The following NEK6 variants were observed in gnomAD, a reference collection of about 807,000 sequenced individuals.
The protein encoded by NEK6 is NIMA related kinase 6.
Under a neutral mutation model 43.5 loss-of-function variants are expected in NEK6, and 27 were observed. The observed-to-expected ratio is 0.62, with a 90% CI of 0.46 to 0.86. The LOEUF is 0.86. Ranked by LOEUF, NEK6 falls within the 40% of genes least tolerant of loss-of-function variation. The pLI, the probability that NEK6 is intolerant of heterozygous loss-of-function variation, is 0.00. For missense variants in NEK6, 318 were observed against 414.4 expected (o/e 0.77, Z 2.02); for synonymous variants, 167 against 164.1 (o/e 1.02, Z -0.14).
chr9:124,327,509 C>T, intron 7 of NEK6, 64 bp downstream of exon 7: 1 of 1,231,314 alleles, frequency 8.1e-7, no homozygotes, highest in East Asian at 2.3e-5. Context: ...CAGGGAGACG[C>T]AAACATTCTC....
At chr9:124,280,667 G>A (rs1164870658) in intron 1 of NEK6, among the ~76,000 whole-genome samples, 2 of 152,252 alleles carry the variant, frequency 1.3e-5, no homozygotes, top group Non-Finnish European at 2.9e-5. Context: ...TGGAGCACCA[G>A]GCATCTGGCA....
At chr9:124,272,233 C>T (rs1303685540) in intron 1 of NEK6, among the ~76,000 whole-genome samples, 1 of 152,252 alleles carries the variant, frequency 6.6e-6, no homozygotes, top group Non-Finnish European at 1.5e-5. Flanking sequence ...GGCAGGCTCT[C>T]AGTCCAGAGC....
chr9:124,348,557 T>A (rs1046100210), intron 9 of NEK6, among the ~76,000 whole-genome samples: 1 of 152,212 alleles, frequency 6.6e-6, no homozygotes, highest in Non-Finnish European at 1.5e-5. Flanking sequence ...CTAACCTCCC[T>A]GAGTCTCAGT....
rs765837947 is a variant in NEK6 at position 124,326,660 on chromosome 9, G to A, written c.514+222G>A. ...ATGAGCCCCAGGGGGCAGGGGCCCC[G>A]CTTGGCACACCACTTCCAGTTCCCC... On this transcript the variant is annotated intron_variant, in intron 6 of 9. Coordinates refer to ENST00000320246, the MANE Select transcript of NEK6 (RefSeq NM_014397.6). This position sits in a 1 kb window ranked among gnomAD's most constrained non-coding sequence, Gnocchi z 4.5. Among the ~76,000 whole-genome samples, 10 of 152,190 alleles carry A rather than the reference G, an allele frequency of 6.6e-5. No homozygotes were observed. Among genetic ancestry groups the A allele is most frequent in the Non-Finnish European group, 8.8e-5 (6 of 68,018 alleles).
intron 4 of NEK6, among the ~76,000 whole-genome samples, chr9:124,319,770 G>C (rs1833979400): frequency 6.6e-6 from 1 of 152,148 alleles, no homozygotes; most frequent in Non-Finnish European, 1.5e-5. Flanking sequence ...CTTTATTTCT[G>C]AGTTCTATAT....
intron 2 of NEK6, among the ~76,000 whole-genome samples, chr9:124,309,281 C>T (rs924932494): frequency 2.0e-5 from 3 of 152,240 alleles, no homozygotes; most frequent in Non-Finnish European, 4.4e-5. Context: ...AAATCTGGGT[C>T]ATCCATATGC....
rs774694008 is a variant in NEK6 at position 124,312,522 on chromosome 9, C to T, written c.104C>T (p.Thr35Met). 81 of 1,613,778 alleles carry T rather than the reference C, an allele frequency of 5.0e-5. No homozygotes were observed. Among genetic ancestry groups the T allele is most frequent in the Middle Eastern group, 4.9e-4 (3 of 6,084 alleles). Reference protein sequence around the residue: ...HPPDPQRHPNTLSFRCSLADF... With the variant: ...HPPDPQRHPNMLSFRCSLADF... Reference sequence around the variant, plus strand: ...CCCCCGTTCCAGAGGCATCCCAACACGCTGTCTTTTCGCTGCTCGCTGGCG... The same window carrying T: ...CCCCCGTTCCAGAGGCATCCCAACATGCTGTCTTTTCGCTGCTCGCTGGCG... The change falls in exon 3 of 10, where the codon ACG becomes ATG. Residue 35 changes from threonine (T) to methionine (M), a missense_variant. Physicochemically the swap from Thr to Met is moderately conservative, Grantham distance 81 (BLOSUM62 -1). Around this residue, in one of 2 missense-constraint regions of NEK6, gnomAD observed 239 missense variants for 344.4 expected, o/e 0.69. Coordinates refer to ENST00000320246, the MANE Select transcript of NEK6 (RefSeq NM_014397.6).
chr9:124,335,977 T>C (rs1829271113), intron 7 of NEK6, among the ~76,000 whole-genome samples: 1 of 152,064 alleles, frequency 6.6e-6, no homozygotes, highest in South Asian at 2.1e-4. Flanking sequence ...TGGTGGCTCA[T>C]GCCTGTAATT....
chr9:124,262,705 A>G (rs921298856), intron 1 of NEK6, among the ~76,000 whole-genome samples: 2 of 152,228 alleles, frequency 1.3e-5, no homozygotes, highest in African/African-American at 2.4e-5. Flanking sequence ...AAATGCATTC[A>G]GTTGCAGTGG....
intron 1 of NEK6, among the ~76,000 whole-genome samples, chr9:124,277,596 G>A (rs377398848): frequency 1.3e-5 from 2 of 152,196 alleles, no homozygotes; most frequent in African/African-American, 4.8e-5. Context: ...GATGCCTGCC[G>A]ACTTGTGAGA....
intron 2 of NEK6, among the ~76,000 whole-genome samples, chr9:124,311,576 T>C (rs546946760): frequency 1.1e-4 from 17 of 152,330 alleles, no homozygotes; most frequent in African/African-American, 3.8e-4. Context: ...GGGCAGGTCC[T>C]AGCGCAGGAT....
At position 124,312,443 on chromosome 9, in the gene NEK6, A is replaced by G. The variant is rs1248850020; in HGVS notation, c.91-66A>G. 2.6e-6 allele frequency: 4 copies of G among 1,537,108 alleles called. No homozygotes were observed. The African/African-American group carries it at 4.1e-5, about 16-fold the overall frequency. On this transcript the variant is annotated intron_variant, in intron 2 of 9. Coordinates refer to ENST00000320246, the MANE Select transcript of NEK6 (RefSeq NM_014397.6). ...GGTGCTGTTGGGGTGCTGGGCCTCT[A>G]GGGGTCGTCCCCAGGCCTCTGCTGC...
chr9:124,294,054 C>T (rs1832559919), intron 1 of NEK6, among the ~76,000 whole-genome samples: 1 of 152,162 alleles, frequency 6.6e-6, no homozygotes, highest in Non-Finnish European at 1.5e-5. Context: ...CGGGACTTCC[C>T]CAAGGTCCCA....
chr9:124,296,829 G>A (rs1832713221), intron 1 of NEK6, among the ~76,000 whole-genome samples: 1 of 152,180 alleles, frequency 6.6e-6, no homozygotes, highest in Non-Finnish European at 1.5e-5. Context: ...CTTCCCCCTA[G>A]GTGAAGTTTC....
Position 124,314,852 on chromosome 9 carries a change from G to A in NEK6, c.294+867G>A, listed in dbSNP as rs575968013. Among the ~76,000 whole-genome samples the A allele has an allele frequency of 3.2e-4, 48 of 152,160 alleles. 1 individual carries two copies. The South Asian group carries it at 6.4e-3, about 20-fold the overall frequency. On this transcript the variant is annotated intron_variant, in intron 4 of 9. Coordinates refer to ENST00000320246, the MANE Select transcript of NEK6 (RefSeq NM_014397.6). ...TTTTCATATTTTTAGTAGAGACAGC[G>A]TTTCACCATGTTGACCAGCCTGGTC...
intron 1 of NEK6, among the ~76,000 whole-genome samples, chr9:124,290,039 G>T (rs1165541777): frequency 6.6e-6 from 1 of 152,248 alleles, no homozygotes; most frequent in South Asian, 2.1e-4. Context: ...ACACAGGAAG[G>T]TGCAGGGGTT....
At chr9:124,347,576 A>G (rs1830004240) in intron 8 of NEK6, 133 bp from the exon 9 acceptor site, 2 of 542,694 alleles carry the variant, frequency 3.7e-6, no homozygotes, top group South Asian at 3.2e-5. Context: ...TTCGGGGGAG[A>G]AGTCCTGCTG....
rs772780544 is a variant in NEK6 at position 124,301,919 on chromosome 9, G to A, written c.-29-17G>A. 5 of 1,549,512 alleles carry A rather than the reference G, an allele frequency of 3.2e-6. No individual in the cohort carries two copies. The highest frequency in any genetic ancestry group is 2.4e-5 in the South Asian group (2 of 84,472). On this transcript the variant is annotated splice_polypyrimidine_tract_variant and intron_variant, in intron 1 of 9. Coordinates refer to ENST00000320246, the MANE Select transcript of NEK6 (RefSeq NM_014397.6). ...GTCTCAAAGAGAAAGTGAACAGGCC[G>A]CTGTTTTCTGTTGCAGTTCGTGCCC... is the stretch of plus-strand genomic sequence containing the variant.
intron 1 of NEK6, chr9:124,259,566 C>T (rs1214907958): frequency 6.6e-6 from 1 of 152,160 alleles, no homozygotes; most frequent in Non-Finnish European, 1.5e-5. Context: ...AAAACACCTT[C>T]TGGGTTTGCT....
Sources: gnomAD v4.1 joint callset for allele counts (sites outside exome capture counted in the v4.1 genomes callset) on GRCh38, gnomAD v4.1.1 for gene constraint, gnomAD v4.1.1 regional missense constraint, Gnocchi (gnomAD v3.1) non-coding constraint, MANE v1.5 for transcripts, NCBI Gene and HGNC (gene_info 2026-07-23, HGNC 2026-07-21) for gene names.